The following LIPE variants were observed in gnomAD, a reference collection of about 807,000 sequenced individuals.
The protein encoded by LIPE is lipase E, hormone sensitive type.
Under a neutral mutation model 88.5 loss-of-function variants are expected in LIPE, and 66 were observed. The ratio of observed to expected loss-of-function variants is 0.75; its 90% confidence interval spans 0.61 to 0.91. LIPE has a LOEUF of 0.91. Among genes scored for constraint, LIPE ranks in the 40% least tolerant of loss-of-function variants. LIPE has a pLI of 0.00. For missense variants in LIPE, 1,346 were observed against 1,434.7 expected, an observed-to-expected ratio of 0.94 and a Z score of 1.00; for synonymous variants, 570 against 617.5, an observed-to-expected ratio of 0.92 and a Z score of 1.14.
intron 9 of LIPE, 121 bp from the exon 10 acceptor site, chr19:42,402,196 A>C: frequency 1.0e-6 from 1 of 998,066 alleles, no homozygotes; most frequent in East Asian, 3.2e-5. Context: ...GACGGAGTGG[A>C]CGGAGGCAGG....
At chr19:42,419,205 G>A (rs907975473) in intron 1 of LIPE, among the ~76,000 whole-genome samples, 11 of 152,314 alleles carry the variant, frequency 7.2e-5, no homozygotes, top group African/African-American at 2.6e-4. Context: ...TTGAACCTGG[G>A]AGGCAGAGGT....
rs1216064956 is a variant in LIPE at position 42,407,703 on chromosome 19, T to C, written c.1745A>G (p.Asp582Gly). 6.9e-6 allele frequency: 11 copies of C among 1,588,560 alleles called. No homozygotes were observed. The Admixed American group carries it at 1.8e-4, about 26-fold the overall frequency. The part of the protein sequence containing the change: ...PEAFEMPLTA[D>G]PTLTVTISPP... Reference sequence around the variant, plus strand: ...TGAGATGGTGACCGTGAGCGTGGGGTCGGCAGTCAGTGGCATCTCAAAGGC... The same window carrying C: ...TGAGATGGTGACCGTGAGCGTGGGGCCGGCAGTCAGTGGCATCTCAAAGGC... Residue 582 changes from aspartate to glycine, a missense_variant, in exon 5 of 10, where the codon GAC (aspartate) becomes GGC (glycine). Coordinates refer to ENST00000244289, the MANE Select transcript of LIPE (RefSeq NM_005357.4). This position sits in a 1 kb window ranked among gnomAD's most constrained non-coding sequence, Gnocchi z 5.8.
chr19:42,411,685 C>T (rs978581038), intron 1 of LIPE, among the ~76,000 whole-genome samples: 1 of 152,188 alleles, frequency 6.6e-6, no homozygotes, highest in African/African-American at 2.4e-5. Context: ...TCTGTGAGAT[C>T]CCCAAAACTC....
rs1239622619 is a variant in LIPE at position 42,406,853 on chromosome 19, A to C, written c.2137+321T>G. Among the ~76,000 whole-genome samples, 1 of 152,188 alleles carries C rather than the reference A, an allele frequency of 6.6e-6. No homozygotes were observed. Among genetic ancestry groups the C allele is most frequent in the African/African-American group, 2.4e-5 (1 of 41,460 alleles). On this transcript the variant is annotated intron_variant, in intron 6 of 9. Coordinates refer to ENST00000244289, the MANE Select transcript of LIPE (RefSeq NM_005357.4). This position sits in a 1 kb window ranked among gnomAD's most constrained non-coding sequence, Gnocchi z 5.7. ...ATGTTGATCTTCGAAGAGGGAGGTCAGAGAAGCTGGACTGTGGGCCAGGAG... is the reference window on the plus strand; with the variant it reads ...ATGTTGATCTTCGAAGAGGGAGGTCCGAGAAGCTGGACTGTGGGCCAGGAG...
At position 42,401,730 on chromosome 19, in the gene LIPE, G is replaced by C. The variant is rs2147549063; in HGVS notation, c.*82C>G. 2 of 261,840 alleles carry C rather than the reference G, an allele frequency of 7.6e-6. No individual in the cohort carries two copies. Among genetic ancestry groups the C allele is most frequent in the South Asian group, 1.4e-4 (2 of 14,674 alleles). The allele number at this position is 261,840 out of a possible 1,614,324, so 16.2% of individuals were successfully genotyped here. A position where few individuals can be genotyped will look rare whatever the true frequency, so the allele number is the denominator to read the frequency against. On this transcript the variant is annotated 3_prime_UTR_variant, in exon 10 of 10. Transcript: ENST00000244289. ...CGCCCCCTTGCCACCCCCGACTTAA[G>C]TAAGGCACAGCCCGCGTCCCCTTCC...
At chr19:42,416,655 CA>C (rs2147652141) in intron 1 of LIPE, among the ~76,000 whole-genome samples, 2 of 152,274 alleles carry the variant, frequency 1.3e-5, no homozygotes, top group South Asian at 4.1e-4. Context: ...AGGATTACGC[CA>C]AATGTACTCT....
chr19:42,405,976 T>TCACA (rs57282318), intron 7 of LIPE, 185 bp downstream of exon 7: 20,273 of 414,956 alleles, frequency 0.049, 339 homozygotes, highest in African/African-American at 0.061. Flanking sequence ...TCTCTCTCTC[T>TCACA]CACACACACA....
At chr19:42,412,176 T>C (rs2040394126) in intron 1 of LIPE, 1 of 660,952 alleles carries the variant, frequency 1.5e-6, no homozygotes. Flanking sequence ...GCTGCCCTGT[T>C]TCTTGGATGC....
chr19:42,424,289 C>A, intron 1 of LIPE: 1 of 467,838 alleles, frequency 2.1e-6, no homozygotes, highest in Non-Finnish European at 4.2e-6. Flanking sequence ...GTAGAGGGAA[C>A]GACGCATGCT....
At chr19:42,424,336 G>C in intron 1 of LIPE, 1 of 457,434 alleles carries the variant, frequency 2.2e-6, no homozygotes, top group South Asian at 1.5e-5. Context: ...CTCGAGGCTT[G>C]CTCACACGCA....
rs1307682745 is a variant in LIPE, at chr19:42,401,765, G to A, written c.*47C>T. 1 of 1,065,050 alleles carries A rather than the reference G, an allele frequency of 9.4e-7. No individual in the cohort carries two copies. 66.0% of individuals were successfully genotyped at this position (1,065,050 alleles called of 1,614,324 possible). On this transcript the variant is annotated 3_prime_UTR_variant, in exon 10 of 10. Transcript: ENST00000244289. ...GCCCGCGTCCCCTTCCGCCCGGCCC[G>A]GAAGGCATTCATGACGGAGGCCGGC... is the stretch of plus-strand genomic sequence containing the variant.
intron 1 of LIPE, among the ~76,000 whole-genome samples, chr19:42,420,206 C>T (rs1268076225): frequency 6.6e-6 from 1 of 152,068 alleles, no homozygotes; most frequent in Non-Finnish European, 1.5e-5. Flanking sequence ...AGCTCCAGGG[C>T]AGAGCTGCTG....
At chr19:42,403,292 T>TGTGTGTGTGTGTGA (rs200935735) in intron 8 of LIPE, among the ~76,000 whole-genome samples, 14 of 129,214 alleles carry the variant, frequency 1.1e-4, no homozygotes, top group Non-Finnish European at 1.8e-4. Context: ...TGTGTGTGTG[T>TGTGTGTGTGTGTGA]GACTGGGAAG....
At chr19:42,405,974 T>TCACACACACA (rs1483781593) in intron 7 of LIPE, 187 bp downstream of exon 7, 3 of 481,778 alleles carry the variant, frequency 6.2e-6, no homozygotes, top group African/African-American at 2.7e-5. Context: ...TCTCTCTCTC[T>TCACACACACA]CTCACACACA....
intron 1 of LIPE, among the ~76,000 whole-genome samples, chr19:42,418,535 C>T (rs2040534309): frequency 1.3e-5 from 2 of 152,026 alleles, no homozygotes; most frequent in South Asian, 4.1e-4. Flanking sequence ...AGTATGGGGC[C>T]AGGCGTGGTA....
Position 42,405,590 on chromosome 19 carries a change from G to A in LIPE, c.2366-29C>T, listed in dbSNP as rs769035924. 28 of 1,590,632 alleles carry A rather than the reference G, an allele frequency of 1.8e-5. No individual in the cohort carries two copies. The East Asian group carries it at 2.3e-4, about 13-fold the overall frequency. ...CAGAATATATGTGGGTAGCTGAGTT[G>A]TTTTCCCCTTTCTGGGCCCAGTTTT... On this transcript the variant is annotated intron_variant, in intron 7 of 9. Coordinates refer to ENST00000244289, the MANE Select transcript of LIPE (RefSeq NM_005357.4).
intron 1 of LIPE, among the ~76,000 whole-genome samples, chr19:42,416,597 C>G (rs1045224625): frequency 2.6e-5 from 4 of 152,208 alleles, no homozygotes. Context: ...GCTGGTGACT[C>G]AGTTGAAGCC....
intron 1 of LIPE, among the ~76,000 whole-genome samples, chr19:42,411,895 C>G (rs1343368735): frequency 6.6e-6 from 1 of 152,226 alleles, no homozygotes; most frequent in African/African-American, 2.4e-5. Flanking sequence ...GGGACCCACA[C>G]CACCTAGGTT....
At position 42,408,368 on chromosome 19, in the gene LIPE, G is replaced by T. The variant is rs1341318133; in HGVS notation, c.1420-46C>A. 1 of 1,509,164 alleles carries T rather than the reference G, an allele frequency of 6.6e-7. No individual in the cohort carries two copies. The highest frequency in any genetic ancestry group is 9.2e-7 in the Non-Finnish European group (1 of 1,085,300). 93.5% of individuals were successfully genotyped at this position (1,509,164 alleles called of 1,614,324 possible). A position where few individuals can be genotyped will look rare whatever the true frequency, so the allele number is the denominator to read the frequency against. On this transcript the variant is annotated intron_variant, in intron 2 of 9. Coordinates refer to ENST00000244289, the MANE Select transcript of LIPE (RefSeq NM_005357.4). This position sits in a 1 kb window ranked among gnomAD's most constrained non-coding sequence, Gnocchi z 4.3. Reference sequence around the variant, plus strand: ...GTCACCCACCGCTCAAGAGAGGGATGGGGACAGGGCAGGAGCGAGGCACAG... The same window carrying T: ...GTCACCCACCGCTCAAGAGAGGGATTGGGACAGGGCAGGAGCGAGGCACAG...
Sources: gnomAD v4.1 joint callset for allele counts (sites outside exome capture counted in the v4.1 genomes callset) on GRCh38, gnomAD v4.1.1 for gene constraint, Gnocchi (gnomAD v3.1) non-coding constraint, MANE v1.5 for transcripts, NCBI Gene and HGNC (gene_info 2026-07-23, HGNC 2026-07-21) for gene names.